The following EXOSC7 variants were observed in gnomAD, a reference collection of about 807,000 sequenced individuals.
EXOSC7 encodes the protein exosome complex component RRP42.
Under a neutral mutation model 34.3 loss-of-function variants are expected in EXOSC7, and 25 were observed. The observed-to-expected ratio is 0.73, with a 90% CI of 0.53 to 1.02. EXOSC7 has a LOEUF of 1.02. EXOSC7 is among the 50% of genes least tolerant of loss of function. The pLI is 0.00. For missense variants in EXOSC7, 370 were observed against 368.5 expected, an observed-to-expected ratio of 1.00 and a Z score of -0.03; for synonymous variants, 130 against 143.0, an observed-to-expected ratio of 0.91 and a Z score of 0.65.
Position 44,988,123 on chromosome 3 carries a change from G to A in EXOSC7, c.58-1017G>A, listed in dbSNP as rs554516798. Among the ~76,000 whole-genome samples the A allele has an allele frequency of 2.6e-5, 4 of 152,320 alleles. No homozygotes were observed. The South Asian group carries it at 8.3e-4, about 32-fold the overall frequency. On this transcript the variant is annotated intron_variant, in intron 1 of 7. Coordinates refer to ENST00000265564, the MANE Select transcript of EXOSC7 (RefSeq NM_015004.4). ...CCATTCCCCAATAAAAGCAACCAGG[G>A]CTCCTTGGAGAAAGGCTTGATCCCT...
At chr3:44,981,893 A>G (rs548621536) in intron 1 of EXOSC7, among the ~76,000 whole-genome samples, 1 of 152,300 alleles carries the variant, frequency 6.6e-6, no homozygotes, top group Admixed American at 6.5e-5. Flanking sequence ...CTTAAAAGAA[A>G]GAAAAAGAAA....
At chr3:45,006,404 G>GTTTTTTTTTTTTTTTTTTTTTT (rs545281987) in intron 6 of EXOSC7, among the ~76,000 whole-genome samples, 2 of 61,708 alleles carry the variant, frequency 3.2e-5, no homozygotes, top group Non-Finnish European at 5.8e-5. Context: ...TTGTTTATTT[G>GTTTTTTTTTTTTTTTTTTTTTT]TTTTTTTTTT....
Position 44,986,429 on chromosome 3 carries a change from C to T in EXOSC7, c.58-2711C>T, listed in dbSNP as rs527631114. On this transcript the variant is annotated intron_variant, in intron 1 of 7. Coordinates refer to ENST00000265564, the MANE Select transcript of EXOSC7 (RefSeq NM_015004.4). Reference sequence around the variant, plus strand: ...TGAGCCCATGCCCACCCAGAACTCGCGCTGGCCCGCAAGCACTGCCCGCAG... The same window carrying T: ...TGAGCCCATGCCCACCCAGAACTCGTGCTGGCCCGCAAGCACTGCCCGCAG... Among the ~76,000 whole-genome samples, 689 of 152,328 alleles carry T rather than the reference C, an allele frequency of 4.5e-3. 3 individuals carry two copies. Among genetic ancestry groups the T allele is most frequent in the African/African-American group, 0.016 (654 of 41,582 alleles).
At chr3:45,008,490 C>G (rs999807884) in intron 7 of EXOSC7, among the ~76,000 whole-genome samples, 3 of 152,172 alleles carry the variant, frequency 2.0e-5, no homozygotes, top group Middle Eastern at 3.2e-3. Context: ...CATGGAGTTC[C>G]CAACCATGGG....
chr3:44,987,431 A>T lies in EXOSC7; in HGVS notation c.58-1709A>T, dbSNP rs115734560. On this transcript the variant is annotated intron_variant, in intron 1 of 7. Coordinates refer to ENST00000265564, the MANE Select transcript of EXOSC7 (RefSeq NM_015004.4). The stretch of plus-strand genomic sequence containing the variant: ...AAAAATTTACAAATGAAAATTAGCC[A>T]GGCATGGTGATGTGCCTGTAATTCC... 2.0e-3 allele frequency among the ~76,000 whole-genome samples: 298 copies of T among 152,368 alleles called. 1 individual carries two copies. The highest frequency in any genetic ancestry group is 7.0e-3 in the African/African-American group (290 of 41,596).
chr3:45,009,683 T>C lies in EXOSC7; in HGVS notation c.772-1552T>C, dbSNP rs186358433. On this transcript the variant is annotated intron_variant, in intron 7 of 7. Coordinates refer to ENST00000265564, the MANE Select transcript of EXOSC7 (RefSeq NM_015004.4). ...GCCTCAGCTTCCCGAGTAGCTGGGATTGCAGGTGCCCGCCACCACTCCCAG... is the reference window on the plus strand; with the variant it reads ...GCCTCAGCTTCCCGAGTAGCTGGGACTGCAGGTGCCCGCCACCACTCCCAG... Among the ~76,000 whole-genome samples the C allele has an allele frequency of 2.3e-3, 353 of 152,134 alleles. 2 individuals are homozygous for C. The highest frequency in any genetic ancestry group is 7.7e-3 in the African/African-American group (318 of 41,506).
At chr3:44,994,245 TAA>T (rs76598308) in intron 3 of EXOSC7, among the ~76,000 whole-genome samples, 291 of 137,032 alleles carry the variant, frequency 2.1e-3, no homozygotes, top group Middle Eastern at 3.8e-3. Context: ...TGCTAAACAT[TAA>T]AAAAAAAAAA....
intron 1 of EXOSC7, among the ~76,000 whole-genome samples, chr3:44,988,032 A>G (rs1297411908): frequency 6.6e-6 from 1 of 152,128 alleles, no homozygotes; most frequent in Non-Finnish European, 1.5e-5. Context: ...CTGTCTGCTG[A>G]GAAGTTCTGG....
intron 1 of EXOSC7, among the ~76,000 whole-genome samples, chr3:44,982,799 C>T (rs1202642031): frequency 6.6e-6 from 1 of 152,218 alleles, no homozygotes; most frequent in African/African-American, 2.4e-5. Context: ...TGCCCAGACA[C>T]TGCAGGATGC....
At chr3:45,003,808 T>C (rs558762291) in intron 5 of EXOSC7, among the ~76,000 whole-genome samples, 21 of 152,356 alleles carry the variant, frequency 1.4e-4, no homozygotes, top group African/African-American at 4.6e-4. Flanking sequence ...AATAGATTAC[T>C]TTTGTACTTG....
intron 3 of EXOSC7, among the ~76,000 whole-genome samples, chr3:44,991,546 C>T (rs540447688): frequency 9.5e-4 from 144 of 152,272 alleles, no homozygotes; most frequent in African/African-American, 3.2e-3. Context: ...GACATTCAGC[C>T]CAACCACACC....
chr3:44,988,301 A>G (rs1282487450), intron 1 of EXOSC7, among the ~76,000 whole-genome samples: 3 of 152,198 alleles, frequency 2.0e-5, no homozygotes, highest in Non-Finnish European at 2.9e-5. Flanking sequence ...GCAGCAAAAT[A>G]ACTAATGATA....
chr3:44,976,687 G>A (rs1452650156), intron 1 of EXOSC7, among the ~76,000 whole-genome samples: 1 of 152,238 alleles, frequency 6.6e-6, no homozygotes, highest in Non-Finnish European at 1.5e-5. Flanking sequence ...CGAGGAAATG[G>A]GAGTTTGGAG....
At chr3:44,994,041 G>A (rs560947698) in intron 3 of EXOSC7, among the ~76,000 whole-genome samples, 7 of 152,258 alleles carry the variant, frequency 4.6e-5, no homozygotes, top group African/African-American at 1.7e-4. Flanking sequence ...GGGAAGCATA[G>A]AAGATAAGGG....
chr3:45,002,699 G>A (rs991972311), intron 5 of EXOSC7, among the ~76,000 whole-genome samples: 2 of 152,118 alleles, frequency 1.3e-5, no homozygotes, highest in African/African-American at 4.8e-5. Flanking sequence ...GTTTTTTAGA[G>A]CTTTTCTATG....
chr3:44,979,055 G>A (rs928280635), intron 1 of EXOSC7, among the ~76,000 whole-genome samples: 4 of 152,184 alleles, frequency 2.6e-5, no homozygotes, highest in African/African-American at 9.7e-5. Flanking sequence ...TCAGCTCTGT[G>A]TATCACAGAG....
At position 45,007,444 on chromosome 3, in the gene EXOSC7, G is replaced by A. The variant is rs759623215; in HGVS notation, c.640G>A (p.Ala214Thr). 1.9e-6 allele frequency: 3 copies of A among 1,614,116 alleles called. No individual in the cohort carries two copies. Among genetic ancestry groups the A allele is most frequent in the Non-Finnish European group, 2.5e-6 (3 of 1,180,058 alleles). ...GATTGGCTATCGGCATGTGGTGGAT[G>A]CTACTCTTCAGGAGGAGGCCTGCTC... is the stretch of plus-strand genomic sequence containing the variant. ...CKIGYRHVVD[A>T]TLQEEACSLA... is the part of the protein sequence containing the mutation. Residue 214 changes from alanine (A) to threonine (T), a missense_variant, in exon 7 of 8, where the codon GCT becomes ACT. By Grantham distance (58) the Ala-to-Thr change is moderately conservative. Around this residue, in one of 3 missense-constraint regions of EXOSC7, gnomAD observed 255 missense variants for 246.4 expected, o/e 1.03. Transcript: ENST00000265564.
chr3:44,998,846 G>T (rs1043519062), intron 4 of EXOSC7, among the ~76,000 whole-genome samples: 25 of 152,190 alleles, frequency 1.6e-4, no homozygotes, highest in Non-Finnish European at 1.5e-5. Context: ...GGTTTGAGAA[G>T]GTGGGACCTG....
At chr3:45,001,955 G>A (rs1207789583) in intron 5 of EXOSC7, 1 of 240,936 alleles carries the variant, frequency 4.2e-6, no homozygotes, top group Non-Finnish European at 8.1e-6. Flanking sequence ...TGGGGGCAAG[G>A]ATTTTGCCTG....
Sources: allele counts gnomAD v4.1 joint callset (sites outside exome capture counted in the v4.1 genomes callset), GRCh38; gene constraint gnomAD v4.1.1; regional missense constraint gnomAD v4.1.1; transcripts MANE v1.5; gene names NCBI Gene and HGNC (gene_info 2026-07-23, HGNC 2026-07-21).